The following NSD2 variants were observed in gnomAD, a reference collection of about 807,000 sequenced individuals.
The protein encoded by NSD2 is nuclear receptor binding SET domain protein 2, also known as histone-lysine N-methyltransferase NSD2.
In NSD2, 12 loss-of-function variants were observed where a neutral mutation model predicts 139.0. The ratio of observed to expected loss-of-function variants is 0.09; its 90% CI spans 0.06 to 0.14. NSD2 has a LOEUF of 0.14. Among genes scored for constraint, NSD2 ranks in the 10% least tolerant of loss-of-function variants. NSD2 has a pLI of 1.00. For missense variants in NSD2, 1,155 were observed against 1,745.0 expected, an observed-to-expected ratio of 0.66 and a Z score of 6.02; for synonymous variants, 669 against 648.7, an observed-to-expected ratio of 1.03 and a Z score of -0.48.
intron 18 of NSD2, among the ~76,000 whole-genome samples, chr4:1,969,742 G>C (rs1726251703): frequency 6.6e-6 from 1 of 152,050 alleles, no homozygotes; most frequent in South Asian, 2.1e-4. Flanking sequence ...CAAAACAGCA[G>C]AACTTCCTTA....
chr4:1,924,727 A>C (rs1221110918), intron 5 of NSD2, among the ~76,000 whole-genome samples: 1 of 151,790 alleles, frequency 6.6e-6, no homozygotes, highest in Non-Finnish European at 1.5e-5. Context: ...CCTGGGCAAC[A>C]CAGTGAGACT....
At chr4:1,963,023 T>G (rs997470286) in intron 18 of NSD2, among the ~76,000 whole-genome samples, 1 of 152,008 alleles carries the variant, frequency 6.6e-6, no homozygotes, top group Non-Finnish European at 1.5e-5. Context: ...CCTATGACAT[T>G]GGAACAGGGA....
At chr4:1,939,821 G>C in intron 9 of NSD2, 43 bp downstream of exon 9, 1 of 1,613,530 alleles carries the variant, frequency 6.2e-7, no homozygotes, top group Non-Finnish European at 8.5e-7. Flanking sequence ...TTGGTATGAA[G>C]GCCATTTAGC....
intron 7 of NSD2, among the ~76,000 whole-genome samples, chr4:1,937,810 A>G (rs1240298257): frequency 6.6e-6 from 1 of 152,216 alleles, no homozygotes; most frequent in Non-Finnish European, 1.5e-5. Flanking sequence ...GGGACAGGAC[A>G]GTTTTCAGCC....
At chr4:1,957,430 C>T (rs1403513013) in intron 15 of NSD2, among the ~76,000 whole-genome samples, 1 of 151,536 alleles carries the variant, frequency 6.6e-6, no homozygotes, top group Non-Finnish European at 1.5e-5. Context: ...ACCATACGCA[C>T]CTGCCATCAT....
intron 6 of NSD2, among the ~76,000 whole-genome samples, chr4:1,934,381 G>A (rs751887985): frequency 6.6e-6 from 1 of 150,816 alleles, no homozygotes; most frequent in Non-Finnish European, 1.5e-5. Flanking sequence ...CACCATGCCC[G>A]GCCTAGGAAA....
At chr4:1,888,410 CAAAAAAAAAAAAA>C (rs61397233) in intron 1 of NSD2, among the ~76,000 whole-genome samples, 2 of 53,198 alleles carry the variant, frequency 3.8e-5, no homozygotes, top group African/African-American at 1.5e-4. Flanking sequence ...GAGATTGCCT[CAAAAAAAAAAAAA>C]AAAAAAAAAA....
chr4:1,935,090 A>G, intron 6 of NSD2, 54 bp from the exon 7 acceptor site: 7 of 1,469,976 alleles, frequency 4.8e-6, no homozygotes, highest in Non-Finnish European at 6.6e-6. Context: ...CAGTGCTTCA[A>G]ATGCAGCTTT....
chr4:1,925,712 C>G (rs1442440326), intron 5 of NSD2, among the ~76,000 whole-genome samples: 1 of 151,754 alleles, frequency 6.6e-6, no homozygotes, highest in African/African-American at 2.4e-5. Context: ...AGGTCACTTT[C>G]TAGCTTCCTT....
intron 1 of NSD2, among the ~76,000 whole-genome samples, chr4:1,898,947 C>T (rs1164412401): frequency 2.0e-5 from 3 of 152,134 alleles, no homozygotes; most frequent in Non-Finnish European, 2.9e-5. Context: ...CGTCCATTTT[C>T]TCTCTGCTTT....
chr4:1,872,589 T>TGAGAGAGAGAGA (rs1246397052), intron 1 of NSD2, among the ~76,000 whole-genome samples: 57 of 44,282 alleles, frequency 1.3e-3, no homozygotes, highest in East Asian at 5.4e-3. Context: ...TGTGTGTGTG[T>TGAGAGAGAGAGA]GTGAGAGAGA....
intron 1 of NSD2, among the ~76,000 whole-genome samples, chr4:1,879,532 T>TA (rs1336622258): frequency 1.3e-5 from 2 of 152,158 alleles, no homozygotes; most frequent in Admixed American, 1.3e-4. Context: ...ACACATTTTT[T>TA]AAAAAATGTG....
At chr4:1,906,165 G>A (rs996102329) in intron 3 of NSD2, among the ~76,000 whole-genome samples, 6 of 152,196 alleles carry the variant, frequency 3.9e-5, no homozygotes, top group African/African-American at 7.2e-5. Context: ...ATGTTTAGCT[G>A]TTAGCCTCTC....
chr4:1,935,995 A>C (rs1342542019), intron 7 of NSD2, among the ~76,000 whole-genome samples: 1 of 152,256 alleles, frequency 6.6e-6, no homozygotes, highest in Non-Finnish European at 1.5e-5. Flanking sequence ...TCAACAGTTC[A>C]TTAAAGGCAA....
intron 18 of NSD2, among the ~76,000 whole-genome samples, chr4:1,965,051 C>A (rs1195838387): frequency 9.9e-3 from 465 of 47,062 alleles, no homozygotes; most frequent in South Asian, 0.013. Context: ...CAGTGTTCAG[C>A]AAAAAAAAAA....
chr4:1,884,110 G>T (rs1410562247), intron 1 of NSD2, among the ~76,000 whole-genome samples: 1 of 151,936 alleles, frequency 6.6e-6, no homozygotes, highest in Non-Finnish European at 1.5e-5. Flanking sequence ...TTTTTGTCGG[G>T]GAGGAGATGG....
intron 9 of NSD2, chr4:1,941,914 A>G: frequency 1.9e-6 from 2 of 1,071,962 alleles, no homozygotes; most frequent in Non-Finnish European, 2.3e-6. Flanking sequence ...GTAGTGTTAT[A>G]AAAAACAGCC....
chr4:1,907,470 CT>C (rs34192394), intron 3 of NSD2, among the ~76,000 whole-genome samples: 9,543 of 151,934 alleles, frequency 0.063, 1,032 homozygotes, highest in African/African-American at 0.22. Context: ...TGGATTCTAG[CT>C]TTTTTTGTGT....
chr4:1,903,889 C>T (rs1717530377), intron 2 of NSD2, among the ~76,000 whole-genome samples: 1 of 152,090 alleles, frequency 6.6e-6, no homozygotes, highest in African/African-American at 2.4e-5. Context: ...CGCCTGCCAC[C>T]ACGCCCGGCT....
Sources: gnomAD v4.1 joint callset for allele counts (sites outside exome capture counted in the v4.1 genomes callset) on GRCh38, gnomAD v4.1.1 for gene constraint, MANE v1.5 for transcripts, NCBI Gene and HGNC (gene_info 2026-07-23, HGNC 2026-07-21) for gene names.